The following PDE1A variants were observed in gnomAD, a reference collection of about 807,000 sequenced individuals.
PDE1A encodes the protein dual specificity calcium/calmodulin-dependent 3',5'-cyclic nucleotide phosphodiesterase 1A.
PDE1A carries 35 observed loss-of-function variants against 61.7 expected under a neutral mutation model. The ratio of observed to expected loss-of-function variants is 0.57; its 90% CI spans 0.43 to 0.75. The LOEUF (loss-of-function observed/expected upper bound fraction) is 0.75. Ranked by LOEUF, PDE1A falls within the 30% of genes least tolerant of loss-of-function variation. PDE1A has a pLI of 0.00. For synonymous variants in PDE1A, 232 were observed against 213.2 expected (o/e 1.09, Z -0.77); for missense variants, 597 against 630.6 (o/e 0.95, Z 0.57).
At chr2:182,240,767 T>G (rs1017761321) in intron 2 of PDE1A, among the ~76,000 whole-genome samples, 4 of 152,200 alleles carry the variant, frequency 2.6e-5, no homozygotes, top group African/African-American at 9.6e-5. Context: ...TGAATTAGGC[T>G]TTGCAATTTA....
At chr2:182,218,510 T>C (rs1250446764) in intron 7 of PDE1A, among the ~76,000 whole-genome samples, 1 of 152,138 alleles carries the variant, frequency 6.6e-6, no homozygotes, top group Non-Finnish European at 1.5e-5. Context: ...TGAACTTATT[T>C]ATCCCATCTA....
chr2:182,172,521 G>T (rs1356211526), intron 13 of PDE1A, among the ~76,000 whole-genome samples: 1 of 151,980 alleles, frequency 6.6e-6, no homozygotes, highest in Non-Finnish European at 1.5e-5. Context: ...AAAGCAGAAT[G>T]CCAGAACCTC....
At chr2:182,575,770 ATATAT>A in the PDE1A span, among the ~76,000 whole-genome samples, 5 of 146,240 alleles carry the variant, frequency 3.4e-5, no homozygotes, top group South Asian at 1.0e-3. Flanking sequence ...ATAATATATT[ATATAT>A]TATAATTATT....
At chr2:182,565,849 C>A in the PDE1A span, among the ~76,000 whole-genome samples, 1 of 152,090 alleles carries the variant, frequency 6.6e-6, no homozygotes, top group Non-Finnish European at 1.5e-5. Flanking sequence ...CCAGGTTAAA[C>A]AACTCAGCTC....
At chr2:182,587,156 A>G in the PDE1A span, among the ~76,000 whole-genome samples, 1 of 152,240 alleles carries the variant, frequency 6.6e-6, no homozygotes, top group Non-Finnish European at 1.5e-5. Flanking sequence ...ATTGGGGCAC[A>G]GAGAACAGTA....
chr2:182,240,848 G>T (rs992722761), intron 2 of PDE1A, among the ~76,000 whole-genome samples: 8 of 151,982 alleles, frequency 5.3e-5, no homozygotes, highest in Non-Finnish European at 1.2e-4. Context: ...CCACTTAAGT[G>T]CTCCCAACGA....
chr2:182,460,237 C>CACTG (rs1686190192), intron 2 of PDE1A, among the ~76,000 whole-genome samples: 1 of 152,180 alleles, frequency 6.6e-6, no homozygotes, highest in Non-Finnish European at 1.5e-5. Context: ...CCTTCAGTCA[C>CACTG]AGGTCCTCTC....
the PDE1A span, among the ~76,000 whole-genome samples, chr2:182,593,861 A>C: frequency 6.6e-6 from 1 of 152,152 alleles, no homozygotes; most frequent in South Asian, 2.1e-4. Flanking sequence ...ATGCAGAAAA[A>C]CTAATAGCAT....
At chr2:182,423,879 C>T (rs1436006840) in intron 1 of PDE1A, among the ~76,000 whole-genome samples, 3 of 151,134 alleles carry the variant, frequency 2.0e-5, no homozygotes, top group Non-Finnish European at 2.9e-5. Context: ...GGGAAATTAG[C>T]CTGTATATAG....
the PDE1A span, among the ~76,000 whole-genome samples, chr2:182,652,559 C>T: frequency 5.3e-5 from 8 of 152,068 alleles, no homozygotes; most frequent in East Asian, 3.9e-4. Flanking sequence ...CAGCCACAGC[C>T]GGATAAAAAG....
the PDE1A span, among the ~76,000 whole-genome samples, chr2:182,660,377 AT>A: frequency 6.6e-6 from 1 of 152,192 alleles, no homozygotes; most frequent in South Asian, 2.1e-4. Flanking sequence ...GATAATTGGA[AT>A]CCTAAAATGA....
chr2:182,364,492 A>AAAAAAAAAAAAAAAAAAAAAAAAAAAAAC (rs1559379282), intron 1 of PDE1A, among the ~76,000 whole-genome samples: 1 of 145,048 alleles, frequency 6.9e-6, no homozygotes, highest in Non-Finnish European at 1.5e-5. Flanking sequence ...AAAAAAAAAA[A>AAAAAAAAAAAAAAAAAAAAAAAAAAAAAC]AAAAAAACCT....
At chr2:182,244,807 G>A (rs1864849) in intron 2 of PDE1A, among the ~76,000 whole-genome samples, 108,404 of 152,098 alleles carry the variant, frequency 0.71, 39,083 homozygotes, top group African/African-American at 0.83. Flanking sequence ...GTTGAAGAGA[G>A]GGACCAGGAG....
chr2:182,593,674 C>T, the PDE1A span, among the ~76,000 whole-genome samples: 1 of 152,042 alleles, frequency 6.6e-6, no homozygotes, highest in East Asian at 1.9e-4. Context: ...TTTTGCAGAC[C>T]CCTTACATGT....
chr2:182,332,702 C>T (rs890630647), intron 1 of PDE1A, among the ~76,000 whole-genome samples: 4 of 152,110 alleles, frequency 2.6e-5, no homozygotes, highest in African/African-American at 9.7e-5. Context: ...TTGCAGCCTG[C>T]TCCTTCCTCT....
intron 7 of PDE1A, among the ~76,000 whole-genome samples, chr2:182,218,171 A>C (rs925752445): frequency 2.0e-5 from 3 of 150,358 alleles, no homozygotes; most frequent in African/African-American, 7.4e-5. Flanking sequence ...TCCCAAGAAC[A>C]AAAAACCAAA....
the PDE1A span, among the ~76,000 whole-genome samples, chr2:182,533,062 A>G: frequency 2.6e-4 from 39 of 152,148 alleles, 3 homozygotes; most frequent in South Asian, 8.1e-3. Flanking sequence ...CTGTAAACCC[A>G]GCACTTTGGG....
intron 2 of PDE1A, among the ~76,000 whole-genome samples, chr2:182,469,567 C>G (rs1352152498): frequency 1.3e-5 from 2 of 152,052 alleles, no homozygotes; most frequent in East Asian, 1.9e-4. Context: ...GTCTGTTTGG[C>G]TTCCTTATAA....
chr2:182,511,769 C>G (rs557707773), intron 2 of PDE1A, among the ~76,000 whole-genome samples: 2 of 152,174 alleles, frequency 1.3e-5, no homozygotes, highest in Non-Finnish European at 2.9e-5. Context: ...CTTGGACACA[C>G]CCATTTGCAG....
Sources: gnomAD v4.1 joint callset for allele counts (sites outside exome capture counted in the v4.1 genomes callset) on GRCh38, gnomAD v4.1.1 for gene constraint, MANE v1.5 for transcripts, NCBI Gene and HGNC (gene_info 2026-07-23, HGNC 2026-07-21) for gene names.